The following KDM4C variants were observed in gnomAD, a reference collection of about 807,000 sequenced individuals.
The protein encoded by KDM4C is lysine demethylase 4C.
A neutral mutation model predicts 129.3 loss-of-function variants in KDM4C; 81 were observed. The observed-to-expected ratio is 0.63, with a 90% CI of 0.52 to 0.75. KDM4C has a LOEUF of 0.75. KDM4C is among the 30% of genes least tolerant of loss of function. The pLI, the probability that KDM4C is intolerant of heterozygous loss-of-function variation, is 0.00. For missense variants in KDM4C, 1,457 were observed against 1,304.0 expected (o/e 1.12, Z -1.81); for synonymous variants, 573 against 456.1 (o/e 1.26, Z -3.26).
intron 1 of KDM4C, among the ~76,000 whole-genome samples, chr9:6,780,417 G>T (rs1455904699): frequency 6.6e-6 from 1 of 151,476 alleles, no homozygotes; most frequent in African/African-American, 2.4e-5. Context: ...GGCTCATATT[G>T]CTTCTCAAGT....
chr9:6,762,970 C>A (rs1266841238), intron 1 of KDM4C, among the ~76,000 whole-genome samples: 1 of 151,876 alleles, frequency 6.6e-6, no homozygotes, highest in Non-Finnish European at 1.5e-5. Context: ...AGGTCATTGT[C>A]TTTTTTACTC....
chr9:6,856,583 T>C (rs1027567939), intron 5 of KDM4C, among the ~76,000 whole-genome samples: 14 of 132,208 alleles, frequency 1.1e-4, no homozygotes, highest in African/African-American at 3.8e-4. Flanking sequence ...TGTGTGTGTA[T>C]TTTTTTTTGA....
chr9:6,927,194 G>A (rs1284013875), intron 8 of KDM4C, among the ~76,000 whole-genome samples: 1 of 151,746 alleles, frequency 6.6e-6, no homozygotes, highest in Non-Finnish European at 1.5e-5. Context: ...CAGTGGCATG[G>A]TCTTGGCTCA....
chr9:6,871,569 CA>C (rs1842828788), intron 5 of KDM4C, among the ~76,000 whole-genome samples: 1 of 152,088 alleles, frequency 6.6e-6, no homozygotes, highest in African/African-American at 2.4e-5. Context: ...CCTACTGTCC[CA>C]AAGCTTAAAT....
intron 12 of KDM4C, among the ~76,000 whole-genome samples, chr9:6,992,506 G>C (rs1324566870): frequency 6.6e-6 from 1 of 152,166 alleles, no homozygotes; most frequent in African/African-American, 2.4e-5. Context: ...AAAAATCAGA[G>C]AAGTTTTGTG....
chr9:6,882,010 C>T (rs200637300), intron 6 of KDM4C, among the ~76,000 whole-genome samples: 3 of 152,166 alleles, frequency 2.0e-5, no homozygotes, highest in East Asian at 1.9e-4. Flanking sequence ...GCCTTTTATG[C>T]ATGAATGCTT....
intron 8 of KDM4C, chr9:6,941,852 G>GTC (rs201566041): frequency 4.9e-5 from 7 of 143,518 alleles, no homozygotes; most frequent in Middle Eastern, 3.5e-3. Flanking sequence ...CTGTGTCTGT[G>GTC]TCTCTCTCTC....
At chr9:6,769,796 A>G (rs1821374445) in intron 1 of KDM4C, among the ~76,000 whole-genome samples, 1 of 152,242 alleles carries the variant, frequency 6.6e-6, no homozygotes, top group Non-Finnish European at 1.5e-5. Context: ...GCTGTTTAAC[A>G]ACAAAGAAAA....
intron 5 of KDM4C, among the ~76,000 whole-genome samples, chr9:6,853,367 C>T (rs768526008): frequency 6.6e-6 from 1 of 152,068 alleles, no homozygotes. Flanking sequence ...TGGCTCACGC[C>T]TGTAGCCCCA....
At chr9:6,923,865 A>G (rs553116953) in intron 8 of KDM4C, among the ~76,000 whole-genome samples, 3 of 152,304 alleles carry the variant, frequency 2.0e-5, no homozygotes, top group East Asian at 3.9e-4. Flanking sequence ...TCTTCAGCAC[A>G]TTGGATTTCA....
rs150687409 is a variant in KDM4C, at chr9:6,890,336, A to G, written c.783+2273A>G. Among the ~76,000 whole-genome samples, 428 of 152,288 alleles carry G rather than the reference A, an allele frequency of 2.8e-3. 2 individuals carry two copies. The highest frequency in any genetic ancestry group is 9.8e-3 in the African/African-American group (406 of 41,572). On this transcript the variant is annotated intron_variant, in intron 7 of 21. Transcript: ENST00000381309. The stretch of plus-strand genomic sequence containing the variant: ...CTGTGACGAGAAAGATAATCTATAG[A>G]CAGAGTTTTGAATAGTATATGTTGC...
intron 1 of KDM4C, among the ~76,000 whole-genome samples, chr9:6,785,173 G>A (rs761510644): frequency 1.2e-4 from 19 of 152,170 alleles, no homozygotes; most frequent in Non-Finnish European, 2.6e-4. Context: ...TGGCAGGACC[G>A]TGTTTTCTCT....
intron 2 of KDM4C, among the ~76,000 whole-genome samples, chr9:6,801,529 G>C (rs1828966733): frequency 6.6e-6 from 1 of 150,934 alleles, no homozygotes; most frequent in African/African-American, 2.4e-5. Flanking sequence ...GAGCTACCGT[G>C]CCCAGCCTGA....
At chr9:7,122,302 G>A (rs113260899) in intron 18 of KDM4C, among the ~76,000 whole-genome samples, 192 of 148,300 alleles carry the variant, frequency 1.3e-3, no homozygotes, top group African/African-American at 4.7e-3. Context: ...GCCAGATCCT[G>A]TGAGAACTCT....
intron 1 of KDM4C, among the ~76,000 whole-genome samples, chr9:6,783,124 G>T (rs1563994793): frequency 6.6e-6 from 1 of 152,174 alleles, no homozygotes; most frequent in Non-Finnish European, 1.5e-5. Flanking sequence ...CTGGTAAAAG[G>T]TAGCTCCCAC....
intron 8 of KDM4C, among the ~76,000 whole-genome samples, chr9:6,946,233 C>T (rs187892733): frequency 6.6e-6 from 1 of 152,010 alleles, no homozygotes; most frequent in Non-Finnish European, 1.5e-5. Context: ...TTTCTGACTT[C>T]GAAAGTAAGA....
chr9:6,890,966 T>G (rs1846036348), intron 7 of KDM4C, among the ~76,000 whole-genome samples: 1 of 152,216 alleles, frequency 6.6e-6, no homozygotes, highest in South Asian at 2.1e-4. Flanking sequence ...CAGCAGAACA[T>G]CTTCTGGGGT....
intron 17 of KDM4C, among the ~76,000 whole-genome samples, chr9:7,051,960 G>T (rs1048091691): frequency 6.6e-6 from 1 of 152,126 alleles, no homozygotes; most frequent in Non-Finnish European, 1.5e-5. Flanking sequence ...TCACCAAACA[G>T]GCATTGCCAG....
At chr9:6,866,434 G>C (rs536218470) in intron 5 of KDM4C, among the ~76,000 whole-genome samples, 1 of 152,130 alleles carries the variant, frequency 6.6e-6, no homozygotes, top group African/African-American at 2.4e-5. Context: ...CTAGCTAGGG[G>C]TTCATTCCCA....
Sources: gnomAD v4.1 joint callset for allele counts (sites outside exome capture counted in the v4.1 genomes callset) on GRCh38, gnomAD v4.1.1 for gene constraint, MANE v1.5 for transcripts, NCBI Gene and HGNC (gene_info 2026-07-23, HGNC 2026-07-21) for gene names.